PRELID2: variants seen among roughly 807,000 people sequenced by gnomAD.
The protein encoded by PRELID2 is PRELI domain-containing protein 2.
A neutral mutation model predicts 28.4 loss-of-function variants in PRELID2; 25 were observed. The observed-to-expected ratio is 0.88, with a 90% confidence interval of 0.64 to 1.23. PRELID2 has a LOEUF of 1.23. Among genes scored for constraint, PRELID2 ranks in the 50% most tolerant of loss-of-function variants. PRELID2 has a pLI of 0.00. For synonymous variants in PRELID2, 76 were observed against 71.6 expected, an observed-to-expected ratio of 1.06 and a Z score of -0.31; for missense variants, 201 against 214.4, an observed-to-expected ratio of 0.94 and a Z score of 0.39.
rs1231291027 is a variant in PRELID2 at position 145,581,639 on chromosome 5, T to C, written n.71-108324A>G. ...TGTGAACATTTAGGGTGAAAGTGCT[T>C]AGTCAAAAGGTGTATTAATTATTTG... On this transcript the variant is annotated intron_variant and non_coding_transcript_variant, in intron 1 of 2. Transcript: ENST00000510259. Among the ~76,000 whole-genome samples the C allele has an allele frequency of 2.6e-5, 4 of 152,154 alleles. No homozygotes were observed. In the East Asian group the frequency reaches 5.8e-4, roughly 22 times the overall value.
intron 1 of PRELID2, among the ~76,000 whole-genome samples, chr5:145,596,341 T>C (rs188781522): frequency 6.6e-6 from 1 of 152,194 alleles, no homozygotes; most frequent in East Asian, 1.9e-4. Flanking sequence ...TATCTCTATT[T>C]TACAGACAAG....
At chr5:145,571,744 G>A (rs1019579920) in intron 1 of PRELID2, among the ~76,000 whole-genome samples, 6 of 152,062 alleles carry the variant, frequency 3.9e-5, no homozygotes, top group Admixed American at 6.6e-5. Context: ...CACTTTGGGA[G>A]GCTGAGGCAG....
chr5:145,740,314 ATATAT>A (rs1756631246), intron 1 of PRELID2, among the ~76,000 whole-genome samples: 7 of 105,956 alleles, frequency 6.6e-5, no homozygotes, highest in African/African-American at 1.5e-4. Context: ...ATATATATAT[ATATAT>A]AAATCCTAAA....
At chr5:145,541,489 T>C (rs986839507) in intron 1 of PRELID2, among the ~76,000 whole-genome samples, 4 of 152,066 alleles carry the variant, frequency 2.6e-5, no homozygotes, top group Admixed American at 2.6e-4. Flanking sequence ...CCACAGTTCA[T>C]ACACTGAACC....
rs371023041 is a variant in PRELID2 at position 145,781,930 on chromosome 5, C to T, written c.474+14512G>A. Among the ~76,000 whole-genome samples the T allele has an allele frequency of 2.7e-3, 414 of 151,964 alleles. 1 individual carries two copies. Among genetic ancestry groups the T allele is most frequent in the African/African-American group, 9.4e-3 (390 of 41,458 alleles). ...TAGTGGCCACAAATTCCTATTTTCTCATTGTCTTTGTCTTTGAATTTAGCA... is the reference window on the plus strand; with the variant it reads ...TAGTGGCCACAAATTCCTATTTTCTTATTGTCTTTGTCTTTGAATTTAGCA... On this transcript the variant is annotated intron_variant, in intron 5 of 6. Transcript: ENST00000683046.
intron 1 of PRELID2, among the ~76,000 whole-genome samples, chr5:145,503,648 G>C (rs1441754590): frequency 6.6e-6 from 1 of 152,160 alleles, no homozygotes; most frequent in Non-Finnish European, 1.5e-5. Flanking sequence ...CCAGGAGTTT[G>C]CTGGTCCTGT....
the PRELID2 span, among the ~76,000 whole-genome samples, chr5:145,301,709 T>C: frequency 6.6e-6 from 1 of 152,120 alleles, no homozygotes; most frequent in Non-Finnish European, 1.5e-5. Flanking sequence ...GTTAAGATCG[T>C]TTGATTACAT....
chr5:145,821,430 C>G (rs1754822170), intron 2 of PRELID2, among the ~76,000 whole-genome samples: 1 of 152,040 alleles, frequency 6.6e-6, no homozygotes. Context: ...ACTAGGACTG[C>G]AACCATTTTG....
At chr5:145,283,012 AAGAG>A in the PRELID2 span, among the ~76,000 whole-genome samples, 4 of 152,154 alleles carry the variant, frequency 2.6e-5, no homozygotes, top group Non-Finnish European at 4.4e-5. Flanking sequence ...CCACAGATGG[AAGAG>A]AGTTTCAAAA....
the PRELID2 span, chr5:145,229,471 C>T: frequency 2.1e-6 from 2 of 956,886 alleles, no homozygotes; most frequent in South Asian, 1.3e-5. Flanking sequence ...AAGCCCCCAA[C>T]ACCCCTGACA....
chr5:145,669,565 C>A (rs1754665101), intron 1 of PRELID2, among the ~76,000 whole-genome samples: 2 of 152,136 alleles, frequency 1.3e-5, no homozygotes, highest in African/African-American at 4.8e-5. Flanking sequence ...TGTTTCTCAT[C>A]ATGGCTCAAG....
chr5:145,295,814 T>G, the PRELID2 span, among the ~76,000 whole-genome samples: 1 of 152,090 alleles, frequency 6.6e-6, no homozygotes, highest in Non-Finnish European at 1.5e-5. Flanking sequence ...AATACATTAA[T>G]AAACAAAACA....
At chr5:145,462,706 C>T in the PRELID2 span, among the ~76,000 whole-genome samples, 3 of 152,238 alleles carry the variant, frequency 2.0e-5, no homozygotes, top group Admixed American at 6.5e-5. Flanking sequence ...AGCATTAGTG[C>T]TCTGGTTTCC....
chr5:145,557,068 G>T (rs982785629), intron 1 of PRELID2, among the ~76,000 whole-genome samples: 5 of 152,214 alleles, frequency 3.3e-5, no homozygotes, highest in East Asian at 1.9e-4. Context: ...TACCCATTAG[G>T]CTACCCAGTG....
intron 1 of PRELID2, among the ~76,000 whole-genome samples, chr5:145,649,976 T>C (rs1754261171): frequency 6.6e-6 from 1 of 152,200 alleles, no homozygotes; most frequent in Non-Finnish European, 1.5e-5. Context: ...TATTATATAT[T>C]ACACATGAGA....
intron 1 of PRELID2, among the ~76,000 whole-genome samples, chr5:145,522,947 G>A (rs536579237): frequency 6.6e-6 from 1 of 152,274 alleles, no homozygotes; most frequent in South Asian, 2.1e-4. Context: ...AATTGCAAGT[G>A]TTGTGTGCCA....
At chr5:145,697,899 T>C (rs1215659464) in intron 1 of PRELID2, among the ~76,000 whole-genome samples, 1 of 152,154 alleles carries the variant, frequency 6.6e-6, no homozygotes, top group African/African-American at 2.4e-5. Context: ...GCCTGTTATC[T>C]GACACTCCAA....
chr5:145,609,026 T>G (rs1393806947), intron 1 of PRELID2, among the ~76,000 whole-genome samples: 1 of 152,230 alleles, frequency 6.6e-6, no homozygotes, highest in Non-Finnish European at 1.5e-5. Context: ...AGCTCTGAGA[T>G]TCTCTCCTCA....
At chr5:145,600,420 G>GGAAAAAAAAA (rs1491541560) in intron 1 of PRELID2, among the ~76,000 whole-genome samples, 1 of 124,182 alleles carries the variant, frequency 8.1e-6, no homozygotes, top group African/African-American at 3.7e-5. Context: ...CTCAGGGGGG[G>GGAAAAAAAAA]AAAAAAAAAA....
Sources: allele counts gnomAD v4.1 joint callset (sites outside exome capture counted in the v4.1 genomes callset), GRCh38; gene constraint gnomAD v4.1.1; transcripts MANE v1.5; gene names NCBI Gene and HGNC (gene_info 2026-07-23, HGNC 2026-07-21).